GPR161: variants seen among roughly 807,000 people sequenced by gnomAD.
GPR161 encodes G-protein coupled receptor RE2.
In GPR161, 25 loss-of-function variants were observed where a neutral mutation model predicts 39.2. The ratio of observed to expected loss-of-function variants is 0.64; its 90% CI spans 0.47 to 0.89. The LOEUF is 0.89. Ranked by LOEUF, GPR161 falls within the 40% of genes least tolerant of loss-of-function variation. The pLI, the probability that GPR161 is intolerant of heterozygous loss-of-function variation, is 0.00. For synonymous variants in GPR161, 286 were observed against 276.6 expected, an observed-to-expected ratio of 1.03 and a Z score of -0.34; for missense variants, 547 against 677.8, an observed-to-expected ratio of 0.81 and a Z score of 2.14.
rs954676216 is a variant in GPR161 at position 168,099,841 on chromosome 1, G to C, written c.375-2609C>G. Among the ~76,000 whole-genome samples, 68 of 146,276 alleles carry C rather than the reference G, an allele frequency of 4.6e-4. 1 individual carries two copies. Among genetic ancestry groups the C allele is most frequent in the African/African-American group, 1.6e-3 (65 of 40,436 alleles). On this transcript the variant is annotated intron_variant, in intron 2 of 5. Transcript: ENST00000682931. ...TTGTTTTTAAGTTTTTTTTTTGGGG[G>C]GGGGGGGTTGGTGTGGATAAAATGT... is the stretch of plus-strand genomic sequence containing the variant.
chr1:168,109,723 T>C (rs958365770), intron 1 of GPR161, among the ~76,000 whole-genome samples: 8 of 152,132 alleles, frequency 5.3e-5, no homozygotes, highest in South Asian at 2.1e-4. Context: ...TCCCAGCACT[T>C]TGGGAGGCCG....
chr1:168,109,915 G>A (rs1297689210), intron 1 of GPR161, among the ~76,000 whole-genome samples: 1 of 152,080 alleles, frequency 6.6e-6, no homozygotes, highest in South Asian at 2.1e-4. Flanking sequence ...GCAATGAGCC[G>A]AGATCGCACC....
Position 168,136,790 on chromosome 1 carries a change from C to T in GPR161, c.-96G>A. ...GGCCCCGGCCCAGCCGCCTCCCCGC[C>T]TCGGCCACCGCCGCCGCCGCTTCCT... On this transcript the variant is annotated 5_prime_UTR_variant, in exon 1 of 6. Transcript: ENST00000682931. 1 of 986,628 alleles carries T rather than the reference C, an allele frequency of 1.0e-6. No individual in the cohort carries two copies. Among genetic ancestry groups the T allele is most frequent in the Non-Finnish European group, 1.2e-6 (1 of 831,054 alleles). 61.1% of individuals were successfully genotyped at this position (986,628 alleles called of 1,614,324 possible). A position where few individuals can be genotyped will look rare whatever the true frequency, so the allele number is the denominator to read the frequency against.
At chr1:168,134,377 T>C (rs749934984) in intron 1 of GPR161, among the ~76,000 whole-genome samples, 18 of 152,214 alleles carry the variant, frequency 1.2e-4, no homozygotes, top group Non-Finnish European at 2.1e-4. Flanking sequence ...CCTTTTCTCT[T>C]GGTGTAGAAA....
chr1:168,130,766 C>G (rs925810401), intron 1 of GPR161, among the ~76,000 whole-genome samples: 1 of 152,172 alleles, frequency 6.6e-6, no homozygotes, highest in Non-Finnish European at 1.5e-5. Flanking sequence ...CCATATGTCA[C>G]ATTCAGGCAC....
At position 168,093,664 on chromosome 1, in the gene GPR161, G is replaced by C. The variant is rs112882565; in HGVS notation, c.1099+2844C>G. ...CTTCATACCTCTAGTTAACACTAAG[G>C]TGAGCCAGTGGCAGGGGAAGTGATT... On this transcript the variant is annotated intron_variant, in intron 3 of 5. Coordinates refer to ENST00000682931, the MANE Select transcript of GPR161 (RefSeq NM_001375883.1). 2.9e-3 allele frequency among the ~76,000 whole-genome samples: 442 copies of C among 152,324 alleles called. 1 individual carries two copies. The highest frequency in any genetic ancestry group is 0.01 in the African/African-American group (420 of 41,556).
At chr1:168,086,323 G>A (rs937557524) in intron 5 of GPR161, among the ~76,000 whole-genome samples, 5 of 152,186 alleles carry the variant, frequency 3.3e-5, no homozygotes, top group Non-Finnish European at 5.9e-5. Context: ...CCCCCTCCCA[G>A]GATTAGGAGC....
At chr1:168,087,945 A>C (rs979042071) in intron 4 of GPR161, 1 of 432,074 alleles carries the variant, frequency 2.3e-6, no homozygotes, top group East Asian at 4.5e-5. Context: ...AGTTATCTGA[A>C]GTAGGGGGTT....
chr1:168,131,836 T>A (rs1234617658), intron 1 of GPR161, among the ~76,000 whole-genome samples: 1 of 152,126 alleles, frequency 6.6e-6, no homozygotes, highest in African/African-American at 2.4e-5. Flanking sequence ...GACCAGAATT[T>A]AAAAAGAGCC....
chr1:168,115,547 T>C (rs1473986940), intron 1 of GPR161, among the ~76,000 whole-genome samples: 6 of 152,142 alleles, frequency 3.9e-5, no homozygotes, highest in Non-Finnish European at 7.4e-5. Context: ...AGAAGATCTA[T>C]GTCCCAGTTC....
intron 1 of GPR161, among the ~76,000 whole-genome samples, chr1:168,109,642 A>G (rs1317131588): frequency 6.6e-6 from 1 of 152,274 alleles, no homozygotes; most frequent in African/African-American, 2.4e-5. Flanking sequence ...TGAGAAATCA[A>G]ACATTAAGAC....
At position 168,096,699 on chromosome 1, in the gene GPR161, G is replaced by A. The variant is rs959770459; in HGVS notation, c.908C>T (p.Pro303Leu). 7.4e-6 allele frequency: 12 copies of A among 1,613,934 alleles called. No homozygotes were observed. Among genetic ancestry groups the A allele is most frequent in the South Asian group, 1.1e-5 (1 of 91,074 alleles). Reference sequence around the variant, plus strand: ...CCATGTGGCCCAAGTCTCCAGGCTCGGGGAGACGGAGCTTTTCCCCCAGAG... The same window carrying A: ...CCATGTGGCCCAAGTCTCCAGGCTCAGGGAGACGGAGCTTTTCCCCCAGAG... ...EALWGKSSVS[P>L]SLETWATWLS... The change falls in exon 3 of 6, where the codon CCG (proline) becomes CTG (leucine). Residue 303 changes from proline to leucine, a missense_variant. By Grantham distance (98) the Pro-to-Leu change is moderately conservative. Transcript: ENST00000682931.
intron 1 of GPR161, among the ~76,000 whole-genome samples, chr1:168,122,365 T>C (rs1336851709): frequency 6.6e-6 from 1 of 152,180 alleles, no homozygotes; most frequent in Non-Finnish European, 1.5e-5. Context: ...CCAGGCTACA[T>C]TATATCTTCT....
At chr1:168,136,063 A>G in intron 1 of GPR161, 1 of 1,252,628 alleles carries the variant, frequency 8.0e-7, no homozygotes, top group Non-Finnish European at 1.0e-6. Context: ...ACGGGGGTTA[A>G]GCTTGGCCCA....
Position 168,087,334 on chromosome 1 carries a change from G to GGTGTGTGTGT in GPR161, c.1324+241_1324+250dup, listed in dbSNP as rs142900649. ...TGGGCTGTGTGTGTAAACACGTGTG[G>GGTGTGTGTGT]GTGTGTGTGTGTGTGTGTGTGTGTG... On this transcript the variant is annotated intron_variant, in intron 5 of 5. Transcript: ENST00000682931. Among the ~76,000 whole-genome samples the GGTGTGTGTGT allele has an allele frequency of 1.2e-3, 173 of 148,772 alleles. 1 individual carries two copies. Among genetic ancestry groups the GGTGTGTGTGT allele is most frequent in the African/African-American group, 3.6e-3 (147 of 40,824 alleles).
intron 2 of GPR161, among the ~76,000 whole-genome samples, chr1:168,099,933 G>A (rs1302419938): frequency 1.3e-5 from 2 of 151,806 alleles, no homozygotes; most frequent in African/African-American, 2.4e-5. Flanking sequence ...AGGCGCAGTG[G>A]CTCACATCTG....
At chr1:168,136,993 C>T (rs1699437197), upstream of GPR161, 2 of 913,178 alleles carry the variant, frequency 2.2e-6, no homozygotes, top group East Asian at 1.3e-4. Flanking sequence ...CTCCGGCCCC[C>T]GGAGCCCCGA....
Position 168,101,774 on chromosome 1 carries a change from C to A in GPR161, c.374+2703G>T, listed in dbSNP as rs188085708. Among the ~76,000 whole-genome samples the A allele has an allele frequency of 4.3e-3, 650 of 152,168 alleles. 4 individuals carry two copies. The highest frequency in any genetic ancestry group is 0.015 in the African/African-American group (609 of 41,508). On this transcript the variant is annotated intron_variant, in intron 2 of 5. Transcript: ENST00000682931. The stretch of plus-strand genomic sequence containing the variant: ...TTATAGTTAAAATCACGCCCACTGC[C>A]CTTGCTATTCTCCACTTCTACTTTC...
chr1:168,099,038 T>C (rs1391758632), intron 2 of GPR161, among the ~76,000 whole-genome samples: 1 of 152,206 alleles, frequency 6.6e-6, no homozygotes, highest in African/African-American at 2.4e-5. Context: ...AGGAAGATCA[T>C]GGAAAAGGCC....
Sources: gnomAD v4.1 joint callset for allele counts (sites outside exome capture counted in the v4.1 genomes callset) on GRCh38, gnomAD v4.1.1 for gene constraint, MANE v1.5 for transcripts, NCBI Gene and HGNC (gene_info 2026-07-23, HGNC 2026-07-21) for gene names.